The following LDLRAD4 variants were observed in gnomAD, a reference collection of about 807,000 sequenced individuals.
LDLRAD4 encodes the protein low density lipoprotein receptor class A domain containing 4.
Under a neutral mutation model 17.0 loss-of-function variants are expected in LDLRAD4, and 5 were observed. The ratio of observed to expected loss-of-function variants is 0.29; its 90% CI spans 0.15 to 0.62. The LOEUF (loss-of-function observed/expected upper bound fraction) is 0.62. LDLRAD4 is among the 20% of genes least tolerant of loss of function. The pLI is 0.84. For synonymous variants in LDLRAD4, 168 were observed against 171.8 expected (o/e 0.98, Z 0.17); for missense variants, 340 against 424.7 (o/e 0.80, Z 1.75).
Position 13,301,130 on chromosome 18 carries a change from A to G in LDLRAD4, c.-383+22942A>G, listed in dbSNP as rs563240142. On this transcript the variant is annotated intron_variant, in intron 1 of 5. Coordinates refer to ENST00000359446, the Ensembl canonical transcript of LDLRAD4. Reference sequence around the variant, plus strand: ...GAGTGGGAAGCATTTCCAGCCAGTGAGTTTAGGGATGCTGCCTACTCGGTC... The same window carrying G: ...GAGTGGGAAGCATTTCCAGCCAGTGGGTTTAGGGATGCTGCCTACTCGGTC... Among the ~76,000 whole-genome samples, 7 of 152,218 alleles carry G rather than the reference A, an allele frequency of 4.6e-5. No homozygotes were observed. The East Asian group carries it at 1.2e-3, about 25-fold the overall frequency.
At chr18:13,311,372 T>G (rs1486074147) in intron 1 of LDLRAD4, among the ~76,000 whole-genome samples, 3 of 152,230 alleles carry the variant, frequency 2.0e-5, no homozygotes, top group African/African-American at 7.2e-5. Flanking sequence ...TTGTGCATCC[T>G]GGTGGCGGTG....
At chr18:13,641,849 G>C in intron 4 of LDLRAD4, 1 of 985,558 alleles carries the variant, frequency 1.0e-6, no homozygotes. Context: ...GGCCACTGGG[G>C]ACAGTCACTA....
chr18:13,346,069 C>T (rs2082669060), intron 1 of LDLRAD4, among the ~76,000 whole-genome samples: 1 of 152,112 alleles, frequency 6.6e-6, no homozygotes, highest in Non-Finnish European at 1.5e-5. Context: ...TTTTTTGTGT[C>T]TCTATTTCCT....
intron 3 of LDLRAD4, among the ~76,000 whole-genome samples, chr18:13,590,115 ATGTGCGTGGGTGTGCATGTGTGGG>A (rs2094996733): frequency 6.7e-6 from 1 of 149,404 alleles, no homozygotes; most frequent in African/African-American, 2.5e-5. Flanking sequence ...GTGTGACTGC[ATGTGCGTGGGTGTGCATGTGTGGG>A]TGTGCGTGGG....
intron 3 of LDLRAD4, chr18:13,611,440 C>G (rs75829566): frequency 7.1e-6 from 7 of 985,226 alleles, no homozygotes; most frequent in African/African-American, 1.7e-5. Flanking sequence ...GCGACAGACT[C>G]GCAGCCTGCC....
At chr18:13,611,839 C>G in intron 3 of LDLRAD4, 1 of 985,520 alleles carries the variant, frequency 1.0e-6, no homozygotes, top group Non-Finnish European at 1.2e-6. Flanking sequence ...TAGGACCTCA[C>G]GCCTTGCCAG....
At chr18:13,278,050 G>A (rs2045003945), upstream of LDLRAD4, 3 of 152,294 alleles carry the variant, frequency 2.0e-5, no homozygotes, top group South Asian at 6.2e-4. Context: ...AAACTTGAGA[G>A]GGGGACACAC....
intron 1 of LDLRAD4, among the ~76,000 whole-genome samples, chr18:13,289,285 A>G (rs545989442): frequency 5.0e-4 from 76 of 152,138 alleles, no homozygotes; most frequent in Non-Finnish European, 9.3e-4. Context: ...TCACTTTCTC[A>G]TTTGTCTCAT....
intron 3 of LDLRAD4, among the ~76,000 whole-genome samples, chr18:13,548,953 G>A (rs2094402368): frequency 1.3e-5 from 2 of 152,210 alleles, no homozygotes; most frequent in South Asian, 4.1e-4. Context: ...CTCAAGATGG[G>A]GAATCTATTA....
At chr18:13,394,390 A>C (rs964073568) in intron 2 of LDLRAD4, among the ~76,000 whole-genome samples, 6 of 152,212 alleles carry the variant, frequency 3.9e-5, no homozygotes, top group Non-Finnish European at 7.3e-5. Context: ...GATGAGAAAT[A>C]ATTTCAGTAT....
At chr18:13,511,605 G>A (rs117277801) in intron 3 of LDLRAD4, among the ~76,000 whole-genome samples, 1,720 of 152,312 alleles carry the variant, frequency 0.011, 13 homozygotes, top group Non-Finnish European at 0.019. Flanking sequence ...GGAAATATAT[G>A]ACATGAATTC....
chr18:13,618,886 T>C (rs2040322913), intron 3 of LDLRAD4, among the ~76,000 whole-genome samples: 1 of 152,230 alleles, frequency 6.6e-6, no homozygotes, highest in Non-Finnish European at 1.5e-5. Context: ...TCACTGCCTT[T>C]GTCCTGAGCG....
At chr18:13,422,049 A>C (rs2145873670) in intron 2 of LDLRAD4, among the ~76,000 whole-genome samples, 1 of 152,326 alleles carries the variant, frequency 6.6e-6, no homozygotes, top group South Asian at 2.1e-4. Context: ...CAAATACGTT[A>C]ATTTCTGTTG....
At chr18:13,553,119 A>C (rs2094451264) in intron 3 of LDLRAD4, among the ~76,000 whole-genome samples, 1 of 152,258 alleles carries the variant, frequency 6.6e-6, no homozygotes, top group Non-Finnish European at 1.5e-5. Context: ...CATGGAACAG[A>C]GTTAAAAGTG....
intron 3 of LDLRAD4, among the ~76,000 whole-genome samples, chr18:13,559,789 CT>C (rs1188069496): frequency 6.6e-6 from 1 of 152,240 alleles, no homozygotes; most frequent in Non-Finnish European, 1.5e-5. Flanking sequence ...ATCACTGCCC[CT>C]CTCCTGGACT....
chr18:13,274,437 T>A (rs1299295732), upstream of LDLRAD4, among the ~76,000 whole-genome samples: 1 of 152,230 alleles, frequency 6.6e-6, no homozygotes, highest in African/African-American at 2.4e-5. Flanking sequence ...GTTAAAGTTA[T>A]GCTGAAAGGA....
chr18:13,265,722 G>A (rs2146034864), intron 1 of LDLRAD4, among the ~76,000 whole-genome samples: 1 of 152,180 alleles, frequency 6.6e-6, no homozygotes, highest in African/African-American at 2.4e-5. Flanking sequence ...CACTCCCCAG[G>A]GCTTCGTTGG....
At chr18:13,586,489 C>G (rs1568371993) in intron 3 of LDLRAD4, among the ~76,000 whole-genome samples, 1 of 150,930 alleles carries the variant, frequency 6.6e-6, no homozygotes, top group Non-Finnish European at 1.5e-5. Context: ...CCCCTGCCAA[C>G]CAAGTGAAGT....
chr18:13,553,957 C>G (rs572246633), intron 3 of LDLRAD4, among the ~76,000 whole-genome samples: 1 of 152,312 alleles, frequency 6.6e-6, no homozygotes, highest in African/African-American at 2.4e-5. Flanking sequence ...CCATCCAAGG[C>G]TCTCTGAGTG....
Sources: allele counts gnomAD v4.1 joint callset (sites outside exome capture counted in the v4.1 genomes callset), GRCh38; gene constraint gnomAD v4.1.1; transcripts MANE v1.5; gene names NCBI Gene and HGNC (gene_info 2026-07-23, HGNC 2026-07-21).